The following ASCC1 variants were observed in gnomAD, a reference collection of about 807,000 sequenced individuals.
ASCC1 encodes the protein ASC-1 complex subunit P50.
In ASCC1, 35 loss-of-function variants were observed where a neutral mutation model predicts 46.6. The observed-to-expected ratio is 0.75, with a 90% confidence interval of 0.57 to 0.99. ASCC1 has a LOEUF of 0.99. Among genes scored for constraint, ASCC1 ranks in the 50% least tolerant of loss-of-function variants. The pLI is 0.00. For synonymous variants in ASCC1, 143 were observed against 146.6 expected, an observed-to-expected ratio of 0.98 and a Z score of 0.18; for missense variants, 376 against 428.7, an observed-to-expected ratio of 0.88 and a Z score of 1.09.
At chr10:72,195,752 T>G (rs1855320075) in intron 5 of ASCC1, among the ~76,000 whole-genome samples, 1 of 151,560 alleles carries the variant, frequency 6.6e-6, no homozygotes, top group South Asian at 2.1e-4. Context: ...GAGAATTGCT[T>G]GAACCCGGGA....
At chr10:72,182,985 A>G (rs1225547302) in intron 5 of ASCC1, among the ~76,000 whole-genome samples, 1 of 147,590 alleles carries the variant, frequency 6.8e-6, no homozygotes, top group Non-Finnish European at 1.5e-5. Flanking sequence ...AAATTTTTCT[A>G]CATTGAAATT....
intron 9 of ASCC1, among the ~76,000 whole-genome samples, chr10:72,106,237 C>T (rs1012736380): frequency 3.3e-5 from 5 of 151,620 alleles, no homozygotes; most frequent in East Asian, 1.9e-4. Flanking sequence ...TCAAGTCTTA[C>T]GCTATTTATA....
In ASCC1 at chr10:72,152,918, T is replaced by C. The variant is rs761664713; in HGVS notation, c.697A>G (p.Met233Val). 25 of 1,614,124 alleles carry C rather than the reference T, an allele frequency of 1.5e-5. No individual in the cohort carries two copies. In the South Asian group the frequency reaches 2.6e-4, roughly 17 times the overall value. ...ACTTTGGCGTAAAGAACATCCACCA[T>C]GCCAGGATCATCATTCATGTATTCT... ...GIEYMNDDPG[M>V]VDVLYAKVHM... is the part of the protein sequence containing the mutation. The change falls in exon 7 of 10, where the codon ATG becomes GTG. Residue 233 changes from methionine to valine, a missense_variant. Transcript: ENST00000672957.
intron 7 of ASCC1, among the ~76,000 whole-genome samples, chr10:72,149,425 G>A (rs563377429): frequency 4.1e-4 from 50 of 120,636 alleles, no homozygotes; most frequent in African/African-American, 1.4e-3. Context: ...GCGACAGAGC[G>A]AGACTCCGTC....
rs764760467 is a variant in ASCC1 at position 72,151,882 on chromosome 10, G to A, written c.746+987C>T. On this transcript the variant is annotated intron_variant, in intron 7 of 9. Coordinates refer to ENST00000672957, the MANE Select transcript of ASCC1 (RefSeq NM_001198800.3). ...TTTTGTATTTTTTTAGTAGAGATGG[G>A]GTTTCACCGTGTTAGCCAGGGTGGA... Among the ~76,000 whole-genome samples, 250 of 151,782 alleles carry A rather than the reference G, an allele frequency of 1.6e-3. 5 individuals are homozygous for A. The highest frequency in any genetic ancestry group is 2.9e-4 in the Non-Finnish European group (20 of 67,960).
chr10:72,112,873 G>A (rs1202983559), intron 9 of ASCC1, among the ~76,000 whole-genome samples: 3 of 86,742 alleles, frequency 3.5e-5, no homozygotes, highest in Non-Finnish European at 6.0e-5. Flanking sequence ...GCTAGACTCT[G>A]CCTCCAAAAA....
At chr10:72,118,721 G>C (rs1199907032) in intron 9 of ASCC1, among the ~76,000 whole-genome samples, 1 of 151,832 alleles carries the variant, frequency 6.6e-6, no homozygotes, top group African/African-American at 2.4e-5. Context: ...AGATGCTGCA[G>C]TGAGCCAAGA....
chr10:72,191,934 C>T (rs1370897634), intron 5 of ASCC1, among the ~76,000 whole-genome samples: 2 of 151,886 alleles, frequency 1.3e-5, no homozygotes, highest in African/African-American at 4.8e-5. Flanking sequence ...AGGCATGAAC[C>T]ACCACGCCGG....
intron 7 of ASCC1, among the ~76,000 whole-genome samples, chr10:72,140,839 C>T (rs2132408201): frequency 6.6e-6 from 1 of 152,262 alleles, no homozygotes; most frequent in Non-Finnish European, 1.5e-5. Context: ...ACATATATAC[C>T]TCTCTCATCT....
At chr10:72,214,071 G>C (rs1022899243) in intron 1 of ASCC1, among the ~76,000 whole-genome samples, 13 of 151,500 alleles carry the variant, frequency 8.6e-5, no homozygotes, top group South Asian at 4.2e-4. Flanking sequence ...AAGAGAAAAG[G>C]GCCAGGCATG....
intron 5 of ASCC1, among the ~76,000 whole-genome samples, chr10:72,166,125 A>G (rs1281450695): frequency 7.9e-5 from 12 of 152,194 alleles, no homozygotes; most frequent in Non-Finnish European, 1.6e-4. Context: ...CTTTTGATCA[A>G]TATTATATAC....
chr10:72,102,473 T>G, intron 9 of ASCC1: 9 of 1,325,876 alleles, frequency 6.8e-6, no homozygotes, highest in Non-Finnish European at 8.5e-6. Context: ...TCCCTCCTTT[T>G]ATTGAGTTGT....
At chr10:72,175,461 C>T (rs781306795) in intron 5 of ASCC1, among the ~76,000 whole-genome samples, 1 of 152,158 alleles carries the variant, frequency 6.6e-6, no homozygotes, top group Non-Finnish European at 1.5e-5. Flanking sequence ...GAAAAGCTGA[C>T]TTTGATTTGC....
At chr10:72,208,436 G>A (rs1023206157) in intron 3 of ASCC1, among the ~76,000 whole-genome samples, 2 of 151,724 alleles carry the variant, frequency 1.3e-5, no homozygotes, top group African/African-American at 4.8e-5. Context: ...TTTAATAGGT[G>A]TTTCAGAATG....
At chr10:72,161,919 T>C (rs1337596832) in intron 5 of ASCC1, among the ~76,000 whole-genome samples, 2 of 152,096 alleles carry the variant, frequency 1.3e-5, no homozygotes, top group Non-Finnish European at 2.9e-5. Flanking sequence ...AAATAGATCA[T>C]GACCTGGAAT....
chr10:72,173,712 G>A (rs997171102), intron 5 of ASCC1, among the ~76,000 whole-genome samples: 16 of 152,190 alleles, frequency 1.1e-4, no homozygotes, highest in Non-Finnish European at 2.2e-4. Flanking sequence ...TCAAGGCAAC[G>A]GCATAAATCT....
At chr10:72,182,029 T>C (rs1228624686) in intron 5 of ASCC1, among the ~76,000 whole-genome samples, 1 of 151,152 alleles carries the variant, frequency 6.6e-6, no homozygotes, top group Admixed American at 6.6e-5. Context: ...CAGAAGGAGA[T>C]GAGAAAAAAA....
intron 9 of ASCC1, among the ~76,000 whole-genome samples, chr10:72,104,812 A>G (rs1208586987): frequency 6.6e-6 from 1 of 152,180 alleles, no homozygotes; most frequent in African/African-American, 2.4e-5. Context: ...AAAACTGCCA[A>G]TCGCTGTGAT....
At chr10:72,118,109 T>A (rs1210942706) in intron 9 of ASCC1, among the ~76,000 whole-genome samples, 3 of 152,332 alleles carry the variant, frequency 2.0e-5, no homozygotes, top group East Asian at 3.9e-4. Context: ...GGCTCACGCC[T>A]GTAATCCCAG....
Sources: allele counts gnomAD v4.1 joint callset (sites outside exome capture counted in the v4.1 genomes callset), GRCh38; gene constraint gnomAD v4.1.1; transcripts MANE v1.5; gene names NCBI Gene and HGNC (gene_info 2026-07-23, HGNC 2026-07-21).